NID1: variants seen among roughly 807,000 people sequenced by gnomAD.
NID1 encodes nidogen-1.
Under a neutral mutation model 130.6 loss-of-function variants are expected in NID1, and 76 were observed. The observed-to-expected ratio is 0.58, with a 90% CI of 0.48 to 0.70. The LOEUF is 0.70. NID1 is among the 30% of genes least tolerant of loss of function. The pLI is 0.00. For missense variants in NID1, 1,517 were observed against 1,664.8 expected, an observed-to-expected ratio of 0.91 and a Z score of 1.54; for synonymous variants, 665 against 675.1, an observed-to-expected ratio of 0.98 and a Z score of 0.23.
At chr1:236,011,159 C>T (rs779891260) in intron 12 of NID1, among the ~76,000 whole-genome samples, 4 of 152,142 alleles carry the variant, frequency 2.6e-5, no homozygotes, top group East Asian at 3.9e-4. Context: ...GCTTAAAAAG[C>T]GATGGGATGA....
chr1:235,976,017 A>G lies in NID1; in HGVS notation c.*1850T>C, dbSNP rs1046904516. ...TAAAATGAATAAAATAGTTATAAAAATCATACAAAATCATGATGAACATTT... is the reference window on the plus strand; with the variant it reads ...TAAAATGAATAAAATAGTTATAAAAGTCATACAAAATCATGATGAACATTT... On this transcript the variant is annotated 3_prime_UTR_variant, in exon 20 of 20. Coordinates refer to ENST00000264187, the MANE Select transcript of NID1 (RefSeq NM_002508.3). 2 of 152,614 alleles carry G rather than the reference A, an allele frequency of 1.3e-5. No homozygotes were observed. The highest frequency in any genetic ancestry group is 4.8e-5 in the African/African-American group (2 of 41,456). The allele number at this position is 152,614 out of a possible 1,614,324, so 9.5% of individuals were successfully genotyped here.
At chr1:236,060,584 C>G (rs1660011813) in intron 1 of NID1, 1 of 152,096 alleles carries the variant, frequency 6.6e-6, no homozygotes, top group African/African-American at 2.4e-5. Context: ...CAACTTAATC[C>G]AGTTAATGTC....
chr1:236,059,856 C>T (rs1254297541), intron 1 of NID1, among the ~76,000 whole-genome samples: 2 of 152,128 alleles, frequency 1.3e-5, no homozygotes, highest in Non-Finnish European at 2.9e-5. Context: ...AATCCCAGCA[C>T]TTTGGGAGGC....
In NID1 at chr1:235,979,044, C is replaced by G; in HGVS notation, c.3573G>C (p.Lys1191Asn). ...SKETDAFQPH[K>N]QTRLYGITTA... ...TGGTGATGCCATACAGCCGGGTCTG[C>G]TTGTGGGGTTGGAAAGCATCCGTCT... is the stretch of plus-strand genomic sequence containing the variant. The change falls in exon 19 of 20, where the codon AAG (lysine) becomes AAC (asparagine). Residue 1191 changes from lysine (K) to asparagine (N), a missense_variant. Around this residue, in one of 3 missense-constraint regions of NID1, gnomAD observed 181 missense variants for 211.3 expected, o/e 0.86. Transcript: ENST00000264187. This position sits in a 1 kb window ranked among gnomAD's most constrained non-coding sequence, Gnocchi z 4.6. 1.9e-6 allele frequency: 3 copies of G among 1,614,046 alleles called. No homozygotes were observed. The South Asian group carries it at 3.3e-5, about 18-fold the overall frequency.
chr1:235,980,651 TTCCTGGAGGAGG>T lies in NID1; in HGVS notation c.3228-10_3229del. On this transcript the variant is annotated splice_acceptor_variant and splice_polypyrimidine_tract_variant and coding_sequence_variant and intron_variant, in exon 17 of 20. Transcript: ENST00000264187. LOFTEE classifies it high-confidence loss of function. The stretch of plus-strand genomic sequence containing the variant: ...TCTGTTCCAGTCTGTCCAGTAAAGG[TTCCTGGAGGAGG>T]AAAAAGGGGGGAAAGAGGAAAAGAA... 6.2e-7 allele frequency: 1 copy of T among 1,612,138 alleles called. No individual in the cohort carries two copies. The highest frequency in any genetic ancestry group is 8.5e-7 in the Non-Finnish European group (1 of 1,179,082).
intron 12 of NID1, among the ~76,000 whole-genome samples, chr1:236,002,333 T>G (rs539622943): frequency 6.6e-6 from 1 of 152,230 alleles, no homozygotes; most frequent in African/African-American, 2.4e-5. Flanking sequence ...TGAAACCCCG[T>G]ATCTACTAAA....
At chr1:236,038,307 G>T in intron 4 of NID1, 54 bp from the exon 5 acceptor site, 2 of 1,575,220 alleles carry the variant, frequency 1.3e-6, no homozygotes, top group East Asian at 2.3e-5. Context: ...GCTCTAGCCC[G>T]GTGGGCTCTC....
At chr1:236,017,700 T>C (rs1171230848) in intron 9 of NID1, among the ~76,000 whole-genome samples, 1 of 152,188 alleles carries the variant, frequency 6.6e-6, no homozygotes, top group Admixed American at 6.5e-5. Flanking sequence ...AAATTTTCTA[T>C]GTATCAAAAG....
chr1:236,005,066 G>A (rs1278454095), intron 12 of NID1, among the ~76,000 whole-genome samples: 2 of 151,950 alleles, frequency 1.3e-5, no homozygotes, highest in Non-Finnish European at 2.9e-5. Context: ...ACAGCTACTC[G>A]GGAGGCTGAG....
chr1:236,026,266 A>C, intron 7 of NID1, 125 bp from the exon 8 acceptor site: 1 of 1,205,790 alleles, frequency 8.3e-7, no homozygotes, highest in Non-Finnish European at 1.2e-6. Context: ...AGGCTACCAG[A>C]TGACAGACCA....
At chr1:236,023,405 A>C (rs894803793) in intron 9 of NID1, among the ~76,000 whole-genome samples, 17 of 152,254 alleles carry the variant, frequency 1.1e-4, no homozygotes, top group Non-Finnish European at 2.1e-4. Flanking sequence ...TCGTTAGAAT[A>C]ATCAAATGCA....
In NID1 at chr1:236,013,574, G is replaced by C. The variant is rs1302371372; in HGVS notation, c.2255-14C>G. ...GGTCCACGACAGCTTCAGAACAAAAGGTTGATGCACAGTCTTAGGAAGAAA... is the reference window on the plus strand; with the variant it reads ...GGTCCACGACAGCTTCAGAACAAAACGTTGATGCACAGTCTTAGGAAGAAA... On this transcript the variant is annotated splice_polypyrimidine_tract_variant and intron_variant, in intron 10 of 19. Transcript: ENST00000264187. The C allele has an allele frequency of 2.5e-6, 4 of 1,614,014 alleles. No homozygotes were observed. Among genetic ancestry groups the C allele is most frequent in the Non-Finnish European group, 3.4e-6 (4 of 1,180,026 alleles).
At chr1:236,036,849 CT>C (rs1449761973) in intron 5 of NID1, among the ~76,000 whole-genome samples, 2 of 152,190 alleles carry the variant, frequency 1.3e-5, no homozygotes, top group Non-Finnish European at 2.9e-5. Flanking sequence ...ATGTGGCCCC[CT>C]GATCTTGGAC....
chr1:236,017,210 G>A lies in NID1; in HGVS notation c.2192C>T (p.Pro731Leu), dbSNP rs1658624064. The A allele has an allele frequency of 1.2e-6, 2 of 1,613,994 alleles. No individual in the cohort carries two copies. The highest frequency in any genetic ancestry group is 1.7e-5 in the Admixed American group (1 of 60,010). ...CACACACTCGCAGCGGAAGGTTCCT[G>A]GGTGATTATTGCAGATTGTGTGGCT... ...CGSHTICNNHPGTFRCECVEG... is the reference protein window; with the variant it reads ...CGSHTICNNHLGTFRCECVEG... Residue 731 changes from proline (P) to leucine (L), a missense_variant, in exon 10 of 20, where the codon CCA (proline) becomes CTA (leucine). Physicochemically the swap from Pro to Leu is moderately conservative, Grantham distance 98. This residue lies in a region of NID1 where 1,329 missense variants were observed against 1,429.2 expected (regional missense o/e 0.93). Coordinates refer to ENST00000264187, the MANE Select transcript of NID1 (RefSeq NM_002508.3).
Position 236,029,797 on chromosome 1 carries a change from C to T in NID1, c.1538-47G>A, listed in dbSNP as rs779017586. The T allele has an allele frequency of 3.0e-5, 48 of 1,587,328 alleles. 2 individuals are homozygous for T. In the South Asian group the frequency reaches 4.8e-4, roughly 16 times the overall value. On this transcript the variant is annotated intron_variant, in intron 6 of 19. Coordinates refer to ENST00000264187, the MANE Select transcript of NID1 (RefSeq NM_002508.3). ...TCACTTTGCTGACTGGGGAGCGCGCCCTTCTGCCCGCCCCAGGCTCACAGT... is the reference window on the plus strand; with the variant it reads ...TCACTTTGCTGACTGGGGAGCGCGCTCTTCTGCCCGCCCCAGGCTCACAGT...
Position 235,979,884 on chromosome 1 carries a change from C to T in NID1, c.3447G>A (p.Gly1149=), listed in dbSNP as rs1417625328. Residue 1149 remains glycine (G), a synonymous_variant, in exon 18 of 20, where the codon GGG becomes GGA. Transcript: ENST00000264187. This position sits in a 1 kb window ranked among gnomAD's most constrained non-coding sequence, Gnocchi z 4.6. The part of the protein sequence containing the change: ...SQPSRRKALE[G]LQYPFAVTSY... ...TCGTCACAGCAAAAGGATACTGGAGCCCTTCGAGAGCCTTGCGTCTGCTGG... is the reference window on the plus strand; with the variant it reads ...TCGTCACAGCAAAAGGATACTGGAGTCCTTCGAGAGCCTTGCGTCTGCTGG... 6.2e-7 allele frequency: 1 copy of T among 1,614,146 alleles called. No individual in the cohort carries two copies.
chr1:236,014,297 G>A (rs1451216360), intron 10 of NID1, among the ~76,000 whole-genome samples: 1 of 150,606 alleles, frequency 6.6e-6, no homozygotes. Flanking sequence ...GACTCATGGA[G>A]GAAAAACATG....
intron 9 of NID1, among the ~76,000 whole-genome samples, chr1:236,023,080 T>C (rs1218855402): frequency 1.4e-5 from 2 of 147,934 alleles, no homozygotes; most frequent in African/African-American, 4.9e-5. Flanking sequence ...AAATTAAAGA[T>C]AGAATTACCA....
intron 8 of NID1, 133 bp downstream of exon 8, chr1:236,025,763 T>C: frequency 7.8e-7 from 1 of 1,280,536 alleles, no homozygotes; most frequent in Non-Finnish European, 1.1e-6. Flanking sequence ...AGACATTCTT[T>C]TTTTCCTGCC....
Sources: allele counts gnomAD v4.1 joint callset (sites outside exome capture counted in the v4.1 genomes callset), GRCh38; gene constraint gnomAD v4.1.1; regional missense constraint gnomAD v4.1.1; non-coding constraint Gnocchi (gnomAD v3.1); transcripts MANE v1.5; gene names NCBI Gene and HGNC (gene_info 2026-07-23, HGNC 2026-07-21).